The following IPO11 variants were observed in gnomAD, a reference collection of about 807,000 sequenced individuals.
IPO11 encodes importin-11.
IPO11 carries 66 observed loss-of-function variants against 143.2 expected under a neutral mutation model. The observed-to-expected ratio is 0.46, with a 90% CI of 0.38 to 0.57. The LOEUF is 0.57. IPO11 is among the 20% of genes least tolerant of loss of function. The pLI is 0.00. For synonymous variants in IPO11, 385 were observed against 377.8 expected (o/e 1.02, Z -0.22); for missense variants, 1,026 against 1,141.0 (o/e 0.90, Z 1.45).
chr5:62,482,550 C>T (rs1407243019), intron 9 of IPO11, among the ~76,000 whole-genome samples: 1 of 152,142 alleles, frequency 6.6e-6, no homozygotes, highest in Non-Finnish European at 1.5e-5. Context: ...CAAATTTCCT[C>T]AGCAGCTTTT....
chr5:62,612,944 C>T (rs1348553759), intron 29 of IPO11, among the ~76,000 whole-genome samples: 1 of 152,168 alleles, frequency 6.6e-6, no homozygotes, highest in Admixed American at 6.5e-5. Context: ...AGTAGATATG[C>T]TGGGCTGAAG....
rs78286275 is a variant in IPO11, at chr5:62,534,275, G to A, written c.2090-2427G>A. ...TACTTAAAAGATCAGCATGTGACTGGCTCTTGTCCTAGTTATTGCAAATGC... is the reference window on the plus strand; with the variant it reads ...TACTTAAAAGATCAGCATGTGACTGACTCTTGTCCTAGTTATTGCAAATGC... On this transcript the variant is annotated intron_variant, in intron 22 of 29. Coordinates refer to ENST00000325324, the MANE Select transcript of IPO11 (RefSeq NM_016338.5). 7.3e-3 allele frequency among the ~76,000 whole-genome samples: 1,104 copies of A among 152,138 alleles called. 14 individuals carry two copies. The highest frequency in any genetic ancestry group is 0.025 in the African/African-American group (1,039 of 41,510).
intron 3 of IPO11, among the ~76,000 whole-genome samples, chr5:62,445,853 G>T (rs1198266776): frequency 6.6e-6 from 1 of 152,166 alleles, no homozygotes; most frequent in East Asian, 1.9e-4. Flanking sequence ...AGTATCATCT[G>T]TATTTTTTTT....
chr5:62,564,655 G>T (rs1743875596), intron 27 of IPO11, among the ~76,000 whole-genome samples: 1 of 152,076 alleles, frequency 6.6e-6, no homozygotes, highest in Non-Finnish European at 1.5e-5. Context: ...CCTACCGGAT[G>T]TCAGTTGCAC....
intron 29 of IPO11, among the ~76,000 whole-genome samples, chr5:62,620,509 ACT>A (rs1181427425): frequency 7.6e-6 from 1 of 132,098 alleles, no homozygotes; most frequent in Non-Finnish European, 1.6e-5. Context: ...ACAGAGCGAG[ACT>A]CTGTCTAAAA....
At chr5:62,503,400 A>G (rs1741422038) in intron 16 of IPO11, among the ~76,000 whole-genome samples, 1 of 146,364 alleles carries the variant, frequency 6.8e-6, no homozygotes, top group African/African-American at 2.5e-5. Context: ...CTATTAATAT[A>G]TTAATAGTAT....
chr5:62,595,991 G>C (rs1279652173), intron 28 of IPO11, among the ~76,000 whole-genome samples: 1 of 151,760 alleles, frequency 6.6e-6, no homozygotes, highest in African/African-American at 2.4e-5. Context: ...CGGCGCGGTG[G>C]CTCATGCCTG....
intron 5 of IPO11, among the ~76,000 whole-genome samples, chr5:62,457,146 T>C (rs912771645): frequency 3.9e-5 from 6 of 152,162 alleles, no homozygotes; most frequent in Admixed American, 6.5e-5. Context: ...ATTATGGTCA[T>C]GGCTAAAACT....
intron 1 of IPO11, among the ~76,000 whole-genome samples, chr5:62,427,121 G>A (rs1444640922): frequency 1.3e-5 from 2 of 151,482 alleles, no homozygotes; most frequent in Non-Finnish European, 2.9e-5. Flanking sequence ...TGTATTTTTA[G>A]TAGAGACAGA....
At chr5:62,491,117 A>G (rs145641812) in intron 15 of IPO11, among the ~76,000 whole-genome samples, 359 of 152,336 alleles carry the variant, frequency 2.4e-3, no homozygotes, top group African/African-American at 7.5e-3. Context: ...TCACTTCAGT[A>G]TACCTGGGGC....
chr5:62,420,459 AGT>A (rs1249506531), intron 1 of IPO11, among the ~76,000 whole-genome samples: 1 of 152,202 alleles, frequency 6.6e-6, no homozygotes, highest in Non-Finnish European at 1.5e-5. Context: ...CTAACGTGTG[AGT>A]AATGTGATTT....
intron 29 of IPO11, among the ~76,000 whole-genome samples, chr5:62,623,800 T>TAC (rs1746459839): frequency 6.6e-6 from 1 of 151,772 alleles, no homozygotes; most frequent in African/African-American, 2.4e-5. Context: ...ATTTTTCTAG[T>TAC]AGAGATAGGG....
intron 19 of IPO11, among the ~76,000 whole-genome samples, chr5:62,508,298 ATTTTTTTTT>A (rs70981020): frequency 4.8e-4 from 61 of 127,506 alleles, no homozygotes; most frequent in Non-Finnish European, 7.4e-4. Context: ...TGCCTGGCTA[ATTTTTTTTT>A]TTTTTTTTTT....
intron 22 of IPO11, among the ~76,000 whole-genome samples, chr5:62,532,148 CCT>C (rs1742568267): frequency 6.6e-6 from 1 of 152,140 alleles, no homozygotes; most frequent in African/African-American, 2.4e-5. Flanking sequence ...CTCATTTCAC[CCT>C]GTTTTCCACC....
intron 27 of IPO11, among the ~76,000 whole-genome samples, chr5:62,568,284 C>T (rs548009673): frequency 6.6e-6 from 1 of 151,870 alleles, no homozygotes; most frequent in East Asian, 1.9e-4. Context: ...TTCAAATATT[C>T]TGTCTTCTAC....
At chr5:62,537,065 T>C (rs1742759652) in intron 23 of IPO11, 144 bp from the exon 24 acceptor site, 1 of 567,588 alleles carries the variant, frequency 1.8e-6, no homozygotes, top group Middle Eastern at 4.9e-4. Context: ...TAACTTTTCC[T>C]AAGCGTTCTG....
At chr5:62,522,487 GT>G (rs944481569) in intron 20 of IPO11, among the ~76,000 whole-genome samples, 5 of 152,128 alleles carry the variant, frequency 3.3e-5, no homozygotes, top group Admixed American at 3.3e-4. Flanking sequence ...GTTTCATCAT[GT>G]TGGCCGGGCT....
At chr5:62,559,683 G>A (rs972172977) in intron 26 of IPO11, among the ~76,000 whole-genome samples, 6 of 151,796 alleles carry the variant, frequency 4.0e-5, no homozygotes, top group Non-Finnish European at 2.9e-5. Context: ...TTGGGAGGCC[G>A]AGGCGGGTGG....
At chr5:62,524,730 ATGTAT>A (rs1214563734) in intron 20 of IPO11, among the ~76,000 whole-genome samples, 3 of 152,304 alleles carry the variant, frequency 2.0e-5, no homozygotes, top group African/African-American at 4.8e-5. Flanking sequence ...TTAAAAAATA[ATGTAT>A]TGTACACTGG....
Sources: gnomAD v4.1 joint callset for allele counts (sites outside exome capture counted in the v4.1 genomes callset) on GRCh38, gnomAD v4.1.1 for gene constraint, MANE v1.5 for transcripts, NCBI Gene and HGNC (gene_info 2026-07-23, HGNC 2026-07-21) for gene names.